The following DOCK2 variants were observed in gnomAD, a reference collection of about 807,000 sequenced individuals.
The protein encoded by DOCK2 is dedicator of cytokinesis protein 2.
In DOCK2, 87 loss-of-function variants were observed where a neutral mutation model predicts 248.9. The ratio of observed to expected loss-of-function variants is 0.35; its 90% CI spans 0.29 to 0.42. The LOEUF (loss-of-function observed/expected upper bound fraction) is 0.42. Among genes scored for constraint, DOCK2 ranks in the 10% least tolerant of loss-of-function variants. DOCK2 has a pLI of 1.00. For synonymous variants in DOCK2, 805 were observed against 821.6 expected, an observed-to-expected ratio of 0.98 and a Z score of 0.35; for missense variants, 1,747 against 2,300.2, an observed-to-expected ratio of 0.76 and a Z score of 4.92.
At position 169,664,515 on chromosome 5, in the gene DOCK2, G is replaced by A. The variant is rs147663560; in HGVS notation, c.128-4773G>A. ...TTCACACTGTTATAAAGAACTACCC[G>A]AGACTGGGTAATTTATGAAGAAAAG... On this transcript the variant is annotated intron_variant, in intron 2 of 51. Transcript: ENST00000520908. 5.3e-5 allele frequency among the ~76,000 whole-genome samples: 8 copies of A among 152,260 alleles called. No individual in the cohort carries two copies. The East Asian group carries it at 5.8e-4, about 11-fold the overall frequency.
intron 39 of DOCK2, 72 bp downstream of exon 39, chr5:170,045,977 TG>T (rs1356450861): frequency 7.0e-7 from 1 of 1,429,312 alleles, no homozygotes; most frequent in Non-Finnish European, 9.9e-7. Context: ...CCCCAGATCC[TG>T]GGGAGATGGG....
At chr5:169,692,482 T>A (rs1760364491) in intron 9 of DOCK2, among the ~76,000 whole-genome samples, 1 of 152,066 alleles carries the variant, frequency 6.6e-6, no homozygotes, top group African/African-American at 2.4e-5. Context: ...CATTTGGCTA[T>A]TTTTTACACT....
intron 2 of DOCK2, among the ~76,000 whole-genome samples, chr5:169,661,466 C>G (rs1321869480): frequency 6.6e-6 from 1 of 152,132 alleles, no homozygotes; most frequent in Admixed American, 6.5e-5. Context: ...TTGGTGGCAT[C>G]AGCAGCTAAA....
chr5:169,837,814 C>A (rs1450149307), intron 26 of DOCK2, among the ~76,000 whole-genome samples: 1 of 152,102 alleles, frequency 6.6e-6, no homozygotes, highest in African/African-American at 2.4e-5. Flanking sequence ...ATACTGGGAG[C>A]TTTCAGAGTG....
chr5:169,771,354 G>A (rs1765077048), intron 25 of DOCK2, among the ~76,000 whole-genome samples: 1 of 152,150 alleles, frequency 6.6e-6, no homozygotes, highest in Non-Finnish European at 1.5e-5. Context: ...CGTGATCTCG[G>A]CTCACTGCAA....
chr5:169,832,475 C>T (rs1431531063), intron 26 of DOCK2, among the ~76,000 whole-genome samples: 1 of 152,164 alleles, frequency 6.6e-6, no homozygotes, highest in Non-Finnish European at 1.5e-5. Context: ...GCCTTGTTTA[C>T]CCTGCCTCCC....
At chr5:169,638,855 G>A (rs189695287) in intron 1 of DOCK2, among the ~76,000 whole-genome samples, 114 of 152,254 alleles carry the variant, frequency 7.5e-4, no homozygotes, top group Non-Finnish European at 1.2e-3. Context: ...GCAATGGAGC[G>A]GGCCTTAAAT....
At chr5:169,696,683 G>A (rs1181892172) in intron 10 of DOCK2, among the ~76,000 whole-genome samples, 6 of 152,086 alleles carry the variant, frequency 3.9e-5, no homozygotes, top group Non-Finnish European at 2.9e-5. Context: ...TAACCCCTAT[G>A]TACCATAGCT....
At chr5:169,850,450 G>T (rs1286328005) in intron 27 of DOCK2, among the ~76,000 whole-genome samples, 2 of 152,148 alleles carry the variant, frequency 1.3e-5, no homozygotes, top group African/African-American at 4.8e-5. Context: ...GTATGTGCAA[G>T]GGTATGTTTG....
At chr5:169,726,028 G>A (rs951722222) in intron 22 of DOCK2, among the ~76,000 whole-genome samples, 2 of 152,012 alleles carry the variant, frequency 1.3e-5, no homozygotes, top group African/African-American at 4.8e-5. Flanking sequence ...ACCCAGTAAT[G>A]GGATCCCTGG....
chr5:169,929,741 CAAA>C (rs1211612989), intron 27 of DOCK2, among the ~76,000 whole-genome samples: 7 of 62,918 alleles, frequency 1.1e-4, no homozygotes, highest in Non-Finnish European at 1.7e-4. Context: ...GACCCTGTCT[CAAA>C]AAAAAAAAAA....
At chr5:170,072,939 A>C (rs1271078889) in intron 46 of DOCK2, among the ~76,000 whole-genome samples, 17 of 152,146 alleles carry the variant, frequency 1.1e-4, no homozygotes. Context: ...TGTATTGCAA[A>C]TATCTTCTCT....
intron 25 of DOCK2, among the ~76,000 whole-genome samples, chr5:169,766,096 T>C (rs189570276): frequency 8.8e-4 from 134 of 152,290 alleles, no homozygotes; most frequent in African/African-American, 3.2e-3. Context: ...TTCAGGTTCA[T>C]GAGGAACATG....
rs901453701 is a variant in DOCK2 at position 170,081,727 on chromosome 5, A to G, written c.5288-115A>G. 8.2e-6 allele frequency: 10 copies of G among 1,215,292 alleles called. No individual in the cohort carries two copies. In the African/African-American group the frequency reaches 1.4e-4, roughly 17 times the overall value. The allele number at this position is 1,215,292 out of a possible 1,614,324, so 75.3% of individuals were successfully genotyped here. On this transcript the variant is annotated intron_variant, in intron 50 of 51. Coordinates refer to ENST00000520908, the MANE Select transcript of DOCK2 (RefSeq NM_004946.3). ...TCCTGCCTCCTGCTTGGCACATACA[A>G]TGTGTGATCCCTGGATGCTGGCTCT... is the stretch of plus-strand genomic sequence containing the variant.
intron 22 of DOCK2, among the ~76,000 whole-genome samples, chr5:169,740,476 A>G (rs1490828765): frequency 6.6e-6 from 1 of 152,218 alleles, no homozygotes; most frequent in African/African-American, 2.4e-5. Context: ...ATGTTAGTGA[A>G]TCTCCTTTGC....
intron 25 of DOCK2, among the ~76,000 whole-genome samples, chr5:169,776,160 T>TAATA (rs1266431118): frequency 0.012 from 1,800 of 145,348 alleles, 42 homozygotes; most frequent in African/African-American, 0.043. Context: ...TATATAAATA[T>TAATA]ATATATTTAT....
At chr5:169,649,872 C>A (rs1363773693) in intron 1 of DOCK2, among the ~76,000 whole-genome samples, 2 of 151,456 alleles carry the variant, frequency 1.3e-5, no homozygotes, top group Admixed American at 1.3e-4. Context: ...GGTGTAATCT[C>A]GGCTGACTGC....
chr5:170,035,913 C>T (rs574556876), intron 35 of DOCK2, among the ~76,000 whole-genome samples: 42 of 152,210 alleles, frequency 2.8e-4, no homozygotes, highest in Non-Finnish European at 5.0e-4. Flanking sequence ...TTAAAAAATG[C>T]CACAGGATTA....
In DOCK2 at chr5:170,008,564, T is replaced by G. The variant is rs145444170; in HGVS notation, c.3140T>G (p.Phe1047Cys). 43 of 1,614,008 alleles carry G rather than the reference T, an allele frequency of 2.7e-5. No individual in the cohort carries two copies. The African/African-American group carries it at 4.8e-4, about 18-fold the overall frequency. Residue 1047 changes from phenylalanine (F) to cysteine (C), a missense_variant, in exon 31 of 52, where the codon TTC becomes TGC. Around this residue, in one of 4 missense-constraint regions of DOCK2, gnomAD observed 858 missense variants for 1,183.5 expected, o/e 0.72. Transcript: ENST00000520908. Reference protein sequence around the residue: ...ITQDSLQLEQFSHAKYNKILN... With the variant: ...ITQDSLQLEQCSHAKYNKILN... ...CAGGATTCTCTGCAGCTGGAGCAGT[T>G]CTCACACGCCAAATACAACAAAATC... is the stretch of plus-strand genomic sequence containing the variant.
Sources: gnomAD v4.1 joint callset for allele counts (sites outside exome capture counted in the v4.1 genomes callset) on GRCh38, gnomAD v4.1.1 for gene constraint, gnomAD v4.1.1 regional missense constraint, MANE v1.5 for transcripts, NCBI Gene and HGNC (gene_info 2026-07-23, HGNC 2026-07-21) for gene names.